The following KLRG2 variants were observed in gnomAD, a reference collection of about 807,000 sequenced individuals.
KLRG2 encodes killer cell lectin-like receptor subfamily G member 2.
A neutral mutation model predicts 35.4 loss-of-function variants in KLRG2; 39 were observed. That is an observed-to-expected ratio of 1.10 (90% CI 0.85 to 1.44). The LOEUF is 1.44. KLRG2 is among the 40% of genes most tolerant of loss of function. The pLI, the probability that KLRG2 is intolerant of heterozygous loss-of-function variation, is 0.00. For synonymous variants in KLRG2, 283 were observed against 265.8 expected, an observed-to-expected ratio of 1.06 and a Z score of -0.63; for missense variants, 632 against 570.9, an observed-to-expected ratio of 1.11 and a Z score of -1.09.
chr7:139,463,020 G>A (rs903748239), intron 3 of KLRG2, among the ~76,000 whole-genome samples: 4 of 151,994 alleles, frequency 2.6e-5, no homozygotes, highest in Admixed American at 2.0e-4. Flanking sequence ...CACACCCGAC[G>A]CGGCTTACAG....
intron 3 of KLRG2, among the ~76,000 whole-genome samples, chr7:139,472,975 G>A (rs1175605882): frequency 6.6e-6 from 1 of 152,166 alleles, no homozygotes; most frequent in African/African-American, 2.4e-5. Context: ...TCAGTTAAGG[G>A]TGAAGGTGTT....
At chr7:139,448,014 C>A (rs146557129), downstream of KLRG2, among the ~76,000 whole-genome samples, 100 of 152,060 alleles carry the variant, frequency 6.6e-4, 1 homozygote, top group East Asian at 0.015. Context: ...TCTTGTCAGA[C>A]AGACAGGTCT....
the KLRG2 span, among the ~76,000 whole-genome samples, chr7:139,435,712 C>T: frequency 2.0e-5 from 3 of 152,118 alleles, no homozygotes; most frequent in Non-Finnish European, 4.4e-5. Context: ...ACTTTCATGC[C>T]GACTTCCTTC....
In KLRG2 at chr7:139,483,434, G is replaced by A; in HGVS notation, c.209C>T (p.Pro70Leu). 3.8e-6 allele frequency: 6 copies of A among 1,570,014 alleles called. No individual in the cohort carries two copies. The highest frequency in any genetic ancestry group is 5.1e-6 in the Non-Finnish European group (6 of 1,168,772). ...CGGGGACCCGGGGCGAGGCGAAGGCGGCTTTTTCTTGCTCGAGGGCTCCAG... is the reference window on the plus strand; with the variant it reads ...CGGGGACCCGGGGCGAGGCGAAGGCAGCTTTTTCTTGCTCGAGGGCTCCAG... ...AGLEPSSKKK[P>L]PSPRPGSPRV... Residue 70 changes from proline (P) to leucine (L), a missense_variant, in exon 1 of 5, where the codon CCG becomes CTG. Coordinates refer to ENST00000340940, the MANE Select transcript of KLRG2 (RefSeq NM_198508.4).
chr7:139,429,055 G>A, the KLRG2 span, among the ~76,000 whole-genome samples: 2 of 152,130 alleles, frequency 1.3e-5, no homozygotes, highest in African/African-American at 2.4e-5. Flanking sequence ...GGTGGCTTAC[G>A]CCTGTAATCC....
the KLRG2 span, among the ~76,000 whole-genome samples, chr7:139,434,034 G>T: frequency 6.6e-6 from 1 of 152,186 alleles, no homozygotes; most frequent in Non-Finnish European, 1.5e-5. Flanking sequence ...TGGCCCTGAG[G>T]CTGGGAGGAG....
the KLRG2 span, among the ~76,000 whole-genome samples, chr7:139,445,321 A>C: frequency 2.0e-5 from 3 of 152,128 alleles, no homozygotes; most frequent in East Asian, 5.8e-4. Context: ...ACCTCAGGTG[A>C]TCTGCCTGCC....
chr7:139,467,663 TC>T (rs1228384972), intron 3 of KLRG2, among the ~76,000 whole-genome samples: 93 of 150,630 alleles, frequency 6.2e-4, no homozygotes, highest in African/African-American at 2.2e-3. Flanking sequence ...TCATCACCAC[TC>T]CCTAATCTCA....
chr7:139,434,744 C>T, the KLRG2 span, among the ~76,000 whole-genome samples: 1 of 152,176 alleles, frequency 6.6e-6, no homozygotes, highest in Non-Finnish European at 1.5e-5. Flanking sequence ...AGAACTAGCG[C>T]AAGAGGGCGC....
At chr7:139,459,943 G>C (rs1221727918) in intron 3 of KLRG2, among the ~76,000 whole-genome samples, 1 of 152,082 alleles carries the variant, frequency 6.6e-6, no homozygotes, top group Non-Finnish European at 1.5e-5. Context: ...GTAGAGACAG[G>C]GTTTCACCAT....
chr7:139,467,621 C>T (rs1796686624), intron 3 of KLRG2, among the ~76,000 whole-genome samples: 2 of 149,566 alleles, frequency 1.3e-5, no homozygotes, highest in Non-Finnish European at 3.0e-5. Flanking sequence ...CTTTGTTAAA[C>T]AGATGCTTGA....
At chr7:139,467,934 C>G in intron 3 of KLRG2, among the ~76,000 whole-genome samples, 1 of 152,172 alleles carries the variant, frequency 6.6e-6, no homozygotes, top group East Asian at 1.9e-4. Context: ...TGGAATGTCT[C>G]GGTATAAAAC....
At chr7:139,470,113 A>C (rs997399847) in intron 3 of KLRG2, among the ~76,000 whole-genome samples, 1 of 150,906 alleles carries the variant, frequency 6.6e-6, no homozygotes, top group African/African-American at 2.4e-5. Context: ...GCTTGAATGC[A>C]GTGGTGTGAT....
rs573464243 is a variant in KLRG2, at chr7:139,465,691, C to CAAAA, written c.1006-11481_1006-11478dup. Among the ~76,000 whole-genome samples the CAAAA allele has an allele frequency of 1.4e-3, 135 of 95,156 alleles. 3 individuals carry two copies. Among genetic ancestry groups the CAAAA allele is most frequent in the Non-Finnish European group, 2.4e-3 (110 of 45,212 alleles). 62.4% of individuals were successfully genotyped at this position (95,156 alleles called of 152,430 possible). A position where few individuals can be genotyped will look rare whatever the true frequency, so the allele number is the denominator to read the frequency against. Reference sequence around the variant, plus strand: ...TGGGCGAGAGTGTGAGACTCTGTCTCAAAAAAAAAAAAAAAGAAAGAAAGA... The same window carrying CAAAA: ...TGGGCGAGAGTGTGAGACTCTGTCTCAAAAAAAAAAAAAAAAAAAGAAAGAAAGA... On this transcript the variant is annotated intron_variant, in intron 3 of 4. Transcript: ENST00000340940.
intron 3 of KLRG2, among the ~76,000 whole-genome samples, chr7:139,462,705 TA>T (rs1480710968): frequency 6.6e-6 from 1 of 152,184 alleles, no homozygotes; most frequent in Non-Finnish European, 1.5e-5. Context: ...AAGGTCTAGG[TA>T]ATTCTTGTCA....
At chr7:139,481,278 C>A (rs377556054) in intron 1 of KLRG2, among the ~76,000 whole-genome samples, 1 of 152,168 alleles carries the variant, frequency 6.6e-6, no homozygotes, top group Admixed American at 6.5e-5. Flanking sequence ...TCTGACTTAA[C>A]GGAACTGTAA....
downstream of KLRG2, among the ~76,000 whole-genome samples, chr7:139,448,245 C>T (rs552627764): frequency 4.6e-5 from 7 of 152,116 alleles, no homozygotes; most frequent in Non-Finnish European, 8.8e-5. Context: ...ATCCTCCTAC[C>T]TCTGCCTCCT....
chr7:139,449,802 C>T (rs1796348835), downstream of KLRG2, among the ~76,000 whole-genome samples: 2 of 150,030 alleles, frequency 1.3e-5, no homozygotes, highest in South Asian at 4.2e-4. Flanking sequence ...CAGGTTCACG[C>T]CATTCTCCTG....
intron 3 of KLRG2, among the ~76,000 whole-genome samples, chr7:139,474,351 A>C (rs560068666): frequency 6.6e-6 from 1 of 152,310 alleles, no homozygotes; most frequent in Admixed American, 6.5e-5. Context: ...TAATGGCAAG[A>C]CTAAGAGCTG....
Sources: allele counts gnomAD v4.1 joint callset (sites outside exome capture counted in the v4.1 genomes callset), GRCh38; gene constraint gnomAD v4.1.1; transcripts MANE v1.5; gene names NCBI Gene and HGNC (gene_info 2026-07-23, HGNC 2026-07-21).